The following AOPEP variants were observed in gnomAD, a reference collection of about 807,000 sequenced individuals.
AOPEP encodes aminopeptidase O (putative), also known as aminopeptidase O.
AOPEP carries 77 observed loss-of-function variants against 98.1 expected under a neutral mutation model. That is an observed-to-expected ratio of 0.78 (90% CI 0.65 to 0.95). The LOEUF is 0.95. Ranked by LOEUF, AOPEP falls within the 40% of genes least tolerant of loss-of-function variation. The pLI, the probability that AOPEP is intolerant of heterozygous loss-of-function variation, is 0.00. For missense variants in AOPEP, 1,024 were observed against 1,024.7 expected (o/e 1.00, Z 0.01); for synonymous variants, 346 against 365.3 (o/e 0.95, Z 0.60).
At chr9:94,791,830 TA>T (rs369525787) in intron 3 of AOPEP, among the ~76,000 whole-genome samples, 1,758 of 150,910 alleles carry the variant, frequency 0.012, 33 homozygotes, top group African/African-American at 0.04. Context: ...AAATAAAAGT[TA>T]AAAAAAAAGA....
At chr9:94,906,295 CAA>C (rs1158178052) in intron 5 of AOPEP, among the ~76,000 whole-genome samples, 1 of 121,292 alleles carries the variant, frequency 8.2e-6, no homozygotes, top group Non-Finnish European at 1.8e-5. Flanking sequence ...TCTGTCTCTA[CAA>C]AAAAAAAAAA....
intron 5 of AOPEP, among the ~76,000 whole-genome samples, chr9:94,816,266 A>G (rs1475857644): frequency 6.6e-6 from 1 of 152,158 alleles, no homozygotes; most frequent in Non-Finnish European, 1.5e-5. Context: ...CAGGGTCCCC[A>G]GCTAATAAGT....
intron 4 of AOPEP, among the ~76,000 whole-genome samples, chr9:94,797,429 CAA>C (rs536953016): frequency 1.8e-4 from 18 of 97,464 alleles, no homozygotes; most frequent in Admixed American, 3.1e-4. Flanking sequence ...GACTCCGTCT[CAA>C]AAAAAAAAAA....
chr9:95,057,156 T>C (rs1283006961), intron 13 of AOPEP, among the ~76,000 whole-genome samples: 1 of 152,212 alleles, frequency 6.6e-6, no homozygotes, highest in East Asian at 1.9e-4. Context: ...TCTTAGGTGG[T>C]GATGCTTGGA....
chr9:94,828,737 A>G (rs1166359491), intron 5 of AOPEP, among the ~76,000 whole-genome samples: 2 of 151,524 alleles, frequency 1.3e-5, no homozygotes, highest in East Asian at 3.9e-4. Flanking sequence ...CACACACAAT[A>G]TATATATATA....
intron 5 of AOPEP, among the ~76,000 whole-genome samples, chr9:94,827,673 C>T (rs1338400729): frequency 6.6e-6 from 1 of 152,132 alleles, no homozygotes; most frequent in African/African-American, 2.4e-5. Flanking sequence ...CCTGACCTGA[C>T]TGGTCTTTGT....
At chr9:95,136,235 A>AC in the AOPEP span, among the ~76,000 whole-genome samples, 1 of 150,936 alleles carries the variant, frequency 6.6e-6, no homozygotes, top group Non-Finnish European at 1.5e-5. Flanking sequence ...ACAAAAAAAA[A>AC]TTTTTTTTTT....
chr9:94,792,277 CAT>C (rs1845896732), intron 3 of AOPEP, among the ~76,000 whole-genome samples: 1 of 152,186 alleles, frequency 6.6e-6, no homozygotes, highest in Non-Finnish European at 1.5e-5. Flanking sequence ...TCCCTAGTCT[CAT>C]GTGTTTTCTA....
chr9:94,993,997 G>A (rs931559856), intron 11 of AOPEP, among the ~76,000 whole-genome samples: 4 of 152,148 alleles, frequency 2.6e-5, no homozygotes, highest in African/African-American at 4.8e-5. Flanking sequence ...TTGTCCAAGC[G>A]CTTCCTCTTG....
intron 16 of AOPEP, among the ~76,000 whole-genome samples, chr9:95,083,276 C>T (rs893305120): frequency 7.9e-5 from 12 of 151,336 alleles, no homozygotes; most frequent in African/African-American, 2.2e-4. Flanking sequence ...ATGCACCACA[C>T]GTAGCACACA....
chr9:94,778,349 C>G (rs576495687), intron 3 of AOPEP, among the ~76,000 whole-genome samples: 1 of 152,016 alleles, frequency 6.6e-6, no homozygotes, highest in South Asian at 2.1e-4. Flanking sequence ...CCTGATTGTT[C>G]ACAGCACATT....
At chr9:94,997,689 A>T (rs1265556294) in intron 11 of AOPEP, among the ~76,000 whole-genome samples, 1 of 151,872 alleles carries the variant, frequency 6.6e-6, no homozygotes, top group Admixed American at 6.6e-5. Context: ...TTTATATTTC[A>T]CCTGTGAAAT....
intron 1 of AOPEP, among the ~76,000 whole-genome samples, chr9:94,740,165 C>G (rs1010022811): frequency 6.6e-6 from 1 of 152,014 alleles, no homozygotes; most frequent in Non-Finnish European, 1.5e-5. Flanking sequence ...GTGGGAAAGG[C>G]AAGGCTAGCA....
intron 11 of AOPEP, among the ~76,000 whole-genome samples, chr9:94,982,003 G>A (rs964483519): frequency 2.0e-5 from 3 of 152,158 alleles, no homozygotes; most frequent in African/African-American, 7.2e-5. Flanking sequence ...GTGAGCATGA[G>A]CCCTGAAGAA....
chr9:94,848,261 G>A (rs968754538), intron 5 of AOPEP, among the ~76,000 whole-genome samples: 17 of 151,932 alleles, frequency 1.1e-4, no homozygotes, highest in Non-Finnish European at 1.9e-4. Flanking sequence ...GACCATCCTG[G>A]CTAACACGGT....
chr9:94,839,209 C>T (rs779352675), intron 5 of AOPEP, among the ~76,000 whole-genome samples: 1 of 152,090 alleles, frequency 6.6e-6, no homozygotes, highest in Non-Finnish European at 1.5e-5. Flanking sequence ...CCTCAGCCTC[C>T]CGAGTAGGTG....
intron 11 of AOPEP, among the ~76,000 whole-genome samples, chr9:94,987,660 G>C (rs1589174572): frequency 1.3e-5 from 2 of 152,324 alleles, no homozygotes; most frequent in South Asian, 4.1e-4. Context: ...GAATAATAGA[G>C]GGATGAATGC....
Position 94,988,374 on chromosome 9 carries a change from A to G in AOPEP, c.1977+8947A>G, listed in dbSNP as rs376047135. On this transcript the variant is annotated intron_variant, in intron 11 of 16. Coordinates refer to ENST00000375315, the MANE Select transcript of AOPEP (RefSeq NM_001193329.3). ...TCTCGGATTAGACGTACATTTTTTC[A>G]GTGAGCACAGAGGAAGGCATATGAG... is the stretch of plus-strand genomic sequence containing the variant. 1.4e-4 allele frequency among the ~76,000 whole-genome samples: 21 copies of G among 152,270 alleles called. 1 individual carries two copies. In the East Asian group the frequency reaches 3.9e-3, roughly 28 times the overall value.
intron 5 of AOPEP, among the ~76,000 whole-genome samples, chr9:94,896,454 A>G (rs1450937841): frequency 6.6e-6 from 1 of 152,210 alleles, no homozygotes; most frequent in Non-Finnish European, 1.5e-5. Flanking sequence ...ACAGTAGGGA[A>G]AGTGGGGGGA....
Sources: gnomAD v4.1 joint callset for allele counts (sites outside exome capture counted in the v4.1 genomes callset) on GRCh38, gnomAD v4.1.1 for gene constraint, MANE v1.5 for transcripts, NCBI Gene and HGNC (gene_info 2026-07-23, HGNC 2026-07-21) for gene names.